The following DAB1 variants were observed in gnomAD, a reference collection of about 807,000 sequenced individuals.
DAB1 encodes the protein disabled homolog 1.
A neutral mutation model predicts 64.6 loss-of-function variants in DAB1; 15 were observed. The ratio of observed to expected loss-of-function variants is 0.23; its 90% CI spans 0.16 to 0.36. The LOEUF (loss-of-function observed/expected upper bound fraction) is 0.36. Among genes scored for constraint, DAB1 ranks in the 10% least tolerant of loss-of-function variants. DAB1 has a pLI of 1.00. For missense variants in DAB1, 596 were observed against 706.7 expected, an observed-to-expected ratio of 0.84 and a Z score of 1.78; for synonymous variants, 235 against 251.9, an observed-to-expected ratio of 0.93 and a Z score of 0.64.
chr1:57,021,076 C>T (rs1333793626), intron 11 of DAB1, among the ~76,000 whole-genome samples: 1 of 152,210 alleles, frequency 6.6e-6, no homozygotes. Context: ...ATAGGGCACA[C>T]AGTTTAACAC....
chr1:57,636,114 C>CAAAAAAAA (rs879722073), intron 7 of DAB1, among the ~76,000 whole-genome samples: 1 of 124,232 alleles, frequency 8.0e-6, no homozygotes, highest in African/African-American at 3.0e-5. Context: ...AAAAAAAAAA[C>CAAAAAAAA]AAAAACAAAA....
At chr1:58,167,474 A>G (rs1006655539) in intron 4 of DAB1, among the ~76,000 whole-genome samples, 2 of 152,252 alleles carry the variant, frequency 1.3e-5, no homozygotes, top group Admixed American at 6.5e-5. Context: ...AAGGATTGTA[A>G]ATGCACCAAT....
intron 6 of DAB1, among the ~76,000 whole-genome samples, chr1:57,665,048 C>T (rs759925441): frequency 2.6e-4 from 39 of 151,866 alleles, no homozygotes; most frequent in Non-Finnish European, 2.7e-4. Context: ...TAAATTAAAA[C>T]CTACGCCATA....
chr1:57,574,783 T>C (rs1191362005), intron 7 of DAB1, among the ~76,000 whole-genome samples: 1 of 152,130 alleles, frequency 6.6e-6, no homozygotes, highest in Non-Finnish European at 1.5e-5. Flanking sequence ...GCCCACTGGT[T>C]GGCTTGGCTC....
chr1:57,161,230 C>T lies in DAB1; in HGVS notation c.68-15801G>A, dbSNP rs115540847. 1.9e-3 allele frequency among the ~76,000 whole-genome samples: 287 copies of T among 152,234 alleles called. 1 individual carries two copies. Among genetic ancestry groups the T allele is most frequent in the African/African-American group, 6.5e-3 (272 of 41,540 alleles). ...CGTGCAATAATCCAAGAATGACAGG[C>T]GTGGTGCTCAGAGGCAGCACCGAGT... On this transcript the variant is annotated intron_variant, in intron 2 of 14. Coordinates refer to ENST00000371236, the MANE Select transcript of DAB1 (RefSeq NM_001365792.1).
At chr1:57,111,713 T>C (rs1655675996) in intron 4 of DAB1, among the ~76,000 whole-genome samples, 1 of 152,206 alleles carries the variant, frequency 6.6e-6, no homozygotes, top group African/African-American at 2.4e-5. Flanking sequence ...GAAATTATTT[T>C]ATTTACATGG....
chr1:58,176,409 A>G (rs1656477129), intron 4 of DAB1, among the ~76,000 whole-genome samples: 1 of 152,172 alleles, frequency 6.6e-6, no homozygotes, highest in South Asian at 2.1e-4. Context: ...GGTTTCTCTC[A>G]CTGAAAAAAA....
At chr1:57,232,747 A>C (rs1208307880) in intron 2 of DAB1, among the ~76,000 whole-genome samples, 1 of 152,178 alleles carries the variant, frequency 6.6e-6, no homozygotes, top group African/African-American at 2.4e-5. Context: ...AAGCAGAGAC[A>C]TTTCAAAAGG....
chr1:58,194,723 T>C (rs1657575904), intron 4 of DAB1, among the ~76,000 whole-genome samples: 1 of 152,262 alleles, frequency 6.6e-6, no homozygotes, highest in South Asian at 2.1e-4. Context: ...ATTCTTCAAA[T>C]TGGATAATTC....
intron 5 of DAB1, among the ~76,000 whole-genome samples, chr1:57,904,742 T>G (rs2101999759): frequency 6.6e-6 from 1 of 152,204 alleles, no homozygotes; most frequent in South Asian, 2.1e-4. Flanking sequence ...GCTTGAAATG[T>G]CAAAGGATCT....
At chr1:57,676,045 C>T (rs547163287) in intron 6 of DAB1, among the ~76,000 whole-genome samples, 10 of 152,290 alleles carry the variant, frequency 6.6e-5, no homozygotes, top group African/African-American at 1.4e-4. Context: ...AGAGTTACAA[C>T]TGAGGCTATC....
At chr1:58,050,228 C>A (rs1182752155) in intron 5 of DAB1, among the ~76,000 whole-genome samples, 2 of 152,164 alleles carry the variant, frequency 1.3e-5, no homozygotes, top group Non-Finnish European at 2.9e-5. Context: ...GGGCCAGTTA[C>A]AACAGGCTCT....
At chr1:57,925,912 C>T (rs566631169) in intron 5 of DAB1, among the ~76,000 whole-genome samples, 80 of 152,306 alleles carry the variant, frequency 5.3e-4, no homozygotes, top group Admixed American at 3.3e-3. Context: ...TGGGGTTTCT[C>T]TTGGGCCTAC....
At chr1:57,377,951 G>A (rs1349318155) in intron 1 of DAB1, among the ~76,000 whole-genome samples, 1 of 152,170 alleles carries the variant, frequency 6.6e-6, no homozygotes, top group Non-Finnish European at 1.5e-5. Context: ...TCTGGTGGAG[G>A]AAGATGGCTA....
At chr1:58,056,592 C>G in intron 5 of DAB1, 1 of 694,582 alleles carries the variant, frequency 1.4e-6, no homozygotes, top group Non-Finnish European at 2.6e-6. Context: ...TCTGCCTTCT[C>G]ATCAATGCCC....
chr1:58,235,994 C>T (rs1156984610), intron 4 of DAB1, among the ~76,000 whole-genome samples: 1 of 152,206 alleles, frequency 6.6e-6, no homozygotes, highest in Non-Finnish European at 1.5e-5. Flanking sequence ...TGCAGCAATA[C>T]ACTTTCCAAT....
chr1:57,198,663 A>T (rs1375797374), intron 2 of DAB1, among the ~76,000 whole-genome samples: 169 of 120,104 alleles, frequency 1.4e-3, no homozygotes, highest in African/African-American at 2.7e-3. Flanking sequence ...ACACACACAC[A>T]CACACACACA....
intron 2 of DAB1, among the ~76,000 whole-genome samples, chr1:57,268,249 T>G (rs1427597896): frequency 6.6e-6 from 1 of 152,076 alleles, no homozygotes; most frequent in East Asian, 1.9e-4. Context: ...TGACAATCAC[T>G]CTGGGGAAGA....
intron 5 of DAB1, among the ~76,000 whole-genome samples, chr1:58,134,037 C>A (rs937654348): frequency 6.6e-6 from 1 of 152,198 alleles, no homozygotes. Context: ...TGACCCTGGA[C>A]ACCCCATTTT....
Sources: allele counts gnomAD v4.1 joint callset (sites outside exome capture counted in the v4.1 genomes callset), GRCh38; gene constraint gnomAD v4.1.1; transcripts MANE v1.5; gene names NCBI Gene and HGNC (gene_info 2026-07-23, HGNC 2026-07-21).